GPR151: variants seen among roughly 807,000 people sequenced by gnomAD.
GPR151 encodes the protein G-protein coupled receptor PGR7.
In GPR151, 16 loss-of-function variants were observed where a neutral mutation model predicts 18.2. That is an observed-to-expected ratio of 0.88 (90% CI 0.60 to 1.34). The LOEUF (loss-of-function observed/expected upper bound fraction) is 1.34. GPR151 is among the 40% of genes most tolerant of loss of function. The pLI, the probability that GPR151 is intolerant of heterozygous loss-of-function variation, is 0.00. For missense variants in GPR151, 509 were observed against 504.3 expected, an observed-to-expected ratio of 1.01 and a Z score of -0.09; for synonymous variants, 202 against 191.2, an observed-to-expected ratio of 1.06 and a Z score of -0.47.
chr5:146,515,079 A>AC lies in GPR151; in HGVS notation c.1034dup (p.Leu346SerfsTer3). The AC allele has an allele frequency of 6.2e-7, 1 of 1,614,024 alleles. No homozygotes were observed. Among genetic ancestry groups the AC allele is most frequent in the Non-Finnish European group, 8.5e-7 (1 of 1,179,988 alleles). ...CTGGAGATGGAACCTTGTCAGGAAG[A>AC]CCCTCTGAGTTGCCAGCTGGTGTTT... On this transcript the variant is annotated frameshift_variant, in exon 1 of 1. Transcript: ENST00000311104. LOFTEE classifies it low-confidence loss of function (END_TRUNC).
At position 146,515,332 on chromosome 5, in the gene GPR151, A is replaced by ACT; in HGVS notation, c.781_782insAG (p.Leu261GlnfsTer9). On this transcript the variant is annotated frameshift_variant, in exon 1 of 1. Transcript: ENST00000311104. LOFTEE classifies it high-confidence loss of function. Reference sequence around the variant, plus strand: ...AGCTACCCATTCGGGGAGCCACAAGAGAGCAGAGATGATGGCAATGCTCAG... The same window carrying ACT: ...AGCTACCCATTCGGGGAGCCACAAGACTGAGCAGAGATGATGGCAATGCTCAG... 1 of 1,614,206 alleles carries ACT rather than the reference A, an allele frequency of 6.2e-7. No individual in the cohort carries two copies. Among genetic ancestry groups the ACT allele is most frequent in the South Asian group, 1.1e-5 (1 of 91,084 alleles).
In GPR151 at chr5:146,514,943, G is replaced by T. The variant is rs1160819302; in HGVS notation, c.1171C>A (p.His391Asn). 6.2e-7 allele frequency: 1 copy of T among 1,613,846 alleles called. No individual in the cohort carries two copies. Among genetic ancestry groups the T allele is most frequent in the Admixed American group, 1.7e-5 (1 of 60,018 alleles). The change falls in exon 1 of 1, where the codon CAT (histidine) becomes AAT (asparagine). Residue 391 changes from histidine to asparagine, a missense_variant. His to Asn is a moderately conservative substitution (Grantham distance 68). Transcript: ENST00000311104. ...ACAGAAGGGACTGTGTCCCTCTCAT[G>T]CCAAAACTGCTCTACGTCAGGAAGG... ...PILPDVEQFW[H>N]ERDTVPSVQD...
chr5:146,516,082 G>C lies in GPR151; in HGVS notation c.32C>G (p.Ser11Cys). 6.2e-7 allele frequency: 1 copy of C among 1,612,946 alleles called. No individual in the cohort carries two copies. Among genetic ancestry groups the C allele is most frequent in the South Asian group, 1.1e-5 (1 of 91,012 alleles). The change falls in exon 1 of 1, where the codon TCC becomes TGC. Residue 11 changes from serine (S) to cysteine (C), a missense_variant. Ser to Cys is a moderately radical substitution (Grantham distance 112). Coordinates refer to ENST00000311104, the MANE Select transcript of GPR151 (RefSeq NM_194251.3). MLAAAFADSN[S>C]SSMNVSFAHL... ...AGCAAAGGACACATTCATGCTGCTG[G>C]AGTTAGAGTCTGCAAAGGCAGCTGC...
In GPR151 at chr5:146,513,436, A is replaced by C. The variant is rs1442549752; in HGVS notation, c.*1418T>G. On this transcript the variant is annotated 3_prime_UTR_variant, in exon 1 of 1. Transcript: ENST00000311104. ...CCGGAAACCCATAGACAAAAAGCAA[A>C]ATCTTTTTTTTTCCATAACATATCC... The C allele has an allele frequency of 1.3e-5, 2 of 152,148 alleles. No homozygotes were observed. The highest frequency in any genetic ancestry group is 2.4e-5 in the African/African-American group (1 of 41,426). 9.4% of individuals were successfully genotyped at this position (152,148 alleles called of 1,614,324 possible).
rs760419500 is a variant in GPR151 at position 146,514,868 on chromosome 5, C to T, written c.1246G>A (p.Glu416Lys). The change falls in exon 1 of 1, where the codon GAA becomes AAA. Residue 416 changes from glutamate (E) to lysine (K), a missense_variant. Physicochemically the swap from Glu to Lys is moderately conservative, Grantham distance 56 (BLOSUM62 1). Coordinates refer to ENST00000311104, the MANE Select transcript of GPR151 (RefSeq NM_194251.3). ...PWEHEDQETG[E>K]GVK is the part of the protein sequence containing the mutation. The stretch of plus-strand genomic sequence containing the variant: ...GAAACTTAAATCTATTTAACACCTT[C>T]CCCTGTCTCTTGATCTTCATGTTCC... 1.1e-5 allele frequency: 18 copies of T among 1,586,800 alleles called. No homozygotes were observed. In the East Asian group the frequency reaches 2.2e-4, roughly 20 times the overall value.
In GPR151 at chr5:146,515,742, G is replaced by C; in HGVS notation, c.372C>G (p.Ala124=). 6.2e-7 allele frequency: 1 copy of C among 1,614,186 alleles called. No homozygotes were observed. Among genetic ancestry groups the C allele is most frequent in the Non-Finnish European group, 8.5e-7 (1 of 1,180,040 alleles). The change falls in exon 1 of 1, where the codon GCC becomes GCG. Residue 124 remains alanine, a synonymous_variant. Coordinates refer to ENST00000311104, the MANE Select transcript of GPR151 (RefSeq NM_194251.3). ...CCACCACAACGATTGTCAGGCTCTTGGCTGCCATGCATGTGTGGATAAACC... is the reference window on the plus strand; with the variant it reads ...CCACCACAACGATTGTCAGGCTCTTCGCTGCCATGCATGTGTGGATAAACC... ...SDWFIHTCMA[A]KSLTIVVVAK...
rs767575778 is a variant in GPR151 at position 146,516,165 on chromosome 5, C to T, written c.-52G>A. On this transcript the variant is annotated 5_prime_UTR_variant, in exon 1 of 1. Coordinates refer to ENST00000311104, the MANE Select transcript of GPR151 (RefSeq NM_194251.3). ...TAGATTCTTATTTAGGTTTGTCTTT[C>T]TGCCTGGGCTCTTTTGCATAGGAAA... 12 of 1,516,410 alleles carry T rather than the reference C, an allele frequency of 7.9e-6. No homozygotes were observed. Among genetic ancestry groups the T allele is most frequent in the Non-Finnish European group, 1.1e-5 (12 of 1,124,102 alleles). 93.9% of individuals were successfully genotyped at this position (1,516,410 alleles called of 1,614,324 possible).
chr5:146,514,938 C>T lies in GPR151; in HGVS notation c.1176G>A (p.Glu392=), dbSNP rs1768578300. 2 of 1,613,756 alleles carry T rather than the reference C, an allele frequency of 1.2e-6. No individual in the cohort carries two copies. The highest frequency in any genetic ancestry group is 1.3e-5 in the African/African-American group (1 of 75,052). The change falls in exon 1 of 1, where the codon GAG becomes GAA. Residue 392 remains glutamate (E), a synonymous_variant. Coordinates refer to ENST00000311104, the MANE Select transcript of GPR151 (RefSeq NM_194251.3). ...CCTGTACAGAAGGGACTGTGTCCCT[C>T]TCATGCCAAAACTGCTCTACGTCAG... ...ILPDVEQFWH[E]RDTVPSVQDN...
chr5:146,515,026 T>C lies in GPR151; in HGVS notation c.1088A>G (p.Glu363Gly). The change falls in exon 1 of 1, where the codon GAG becomes GGG. Residue 363 changes from glutamate (E) to glycine (G), a missense_variant. Transcript: ENST00000311104. ...GCCAGAGGAGGGAGAGCTGGGTTTC[T>C]CTTTTTCTGGTATGGATGCTGGGGA... ...PESPASIPEK[E>G]KPSSPSSGKG... 1 of 1,614,198 alleles carries C rather than the reference T, an allele frequency of 6.2e-7. No individual in the cohort carries two copies. Among genetic ancestry groups the C allele is most frequent in the South Asian group, 1.1e-5 (1 of 91,082 alleles).
Position 146,515,870 on chromosome 5 carries a change from G to T in GPR151, c.244C>A (p.Leu82Met). Residue 82 changes from leucine to methionine, a missense_variant, in exon 1 of 1, where the codon CTG becomes ATG. Leu to Met is a conservative substitution (Grantham distance 15). Coordinates refer to ENST00000311104, the MANE Select transcript of GPR151 (RefSeq NM_194251.3). ...AACAGCAGGAGGGAGAGATCAGCCA[G>T]GCTGAGATTCAGAATCAGGGAGTGG... ...MIHSLILNLS[L>M]ADLSLLLFSA... The T allele has an allele frequency of 6.2e-7, 1 of 1,614,174 alleles. No homozygotes were observed. Among genetic ancestry groups the T allele is most frequent in the South Asian group, 1.1e-5 (1 of 91,080 alleles).
Position 146,514,758 on chromosome 5 carries a change from GTAA to G in GPR151, c.*93_*95del. ...TGAAATATTTTTATAATTCCTAATG[GTAA>G]TAATTATATCAGTTTGTAAAGTCAG... is the stretch of plus-strand genomic sequence containing the variant. On this transcript the variant is annotated 3_prime_UTR_variant, in exon 1 of 1. Transcript: ENST00000311104. 4 of 767,894 alleles carry G rather than the reference GTAA, an allele frequency of 5.2e-6. No individual in the cohort carries two copies. The highest frequency in any genetic ancestry group is 4.2e-5 in the South Asian group (2 of 47,758). The allele number at this position is 767,894 out of a possible 1,614,324, so 47.6% of individuals were successfully genotyped here.
Position 146,515,104 on chromosome 5 carries a change from T to C in GPR151, c.1010A>G (p.Glu337Gly), listed in dbSNP as rs1236444339. The change falls in exon 1 of 1, where the codon GAA (glutamate) becomes GGA (glycine). Residue 337 changes from glutamate to glycine, a missense_variant. Glu to Gly is a moderately conservative substitution (Grantham distance 98). Coordinates refer to ENST00000311104, the MANE Select transcript of GPR151 (RefSeq NM_194251.3). Reference sequence around the variant, plus strand: ...ACCCTCTGAGTTGCCAGCTGGTGTTTCCTGAGACTCTGAGACAGTTGGAGG... The same window carrying C: ...ACCCTCTGAGTTGCCAGCTGGTGTTCCCTGAGACTCTGAGACAGTTGGAGG... Reference protein sequence around the residue: ...KKPPTVSESQETPAGNSEGLP... With the variant: ...KKPPTVSESQGTPAGNSEGLP... The C allele has an allele frequency of 6.2e-7, 1 of 1,614,190 alleles. No individual in the cohort carries two copies. Among genetic ancestry groups the C allele is most frequent in the African/African-American group, 1.3e-5 (1 of 75,062 alleles).
At position 146,514,755 on chromosome 5, in the gene GPR151, ATG is replaced by A; in HGVS notation, c.*97_*98del. ...TTGTGAAATATTTTTATAATTCCTA[ATG>A]GTAATAATTATATCAGTTTGTAAAG... is the stretch of plus-strand genomic sequence containing the variant. On this transcript the variant is annotated 3_prime_UTR_variant, in exon 1 of 1. Coordinates refer to ENST00000311104, the MANE Select transcript of GPR151 (RefSeq NM_194251.3). 2.9e-5 allele frequency: 22 copies of A among 752,840 alleles called. No individual in the cohort carries two copies. The highest frequency in any genetic ancestry group is 1.3e-4 in the South Asian group (6 of 46,820). 46.6% of individuals were successfully genotyped at this position (752,840 alleles called of 1,614,324 possible). A position where few individuals can be genotyped will look rare whatever the true frequency, so the allele number is the denominator to read the frequency against.
chr5:146,513,783 C>G lies in GPR151; in HGVS notation c.*1071G>C, dbSNP rs772452023. On this transcript the variant is annotated 3_prime_UTR_variant, in exon 1 of 1. Transcript: ENST00000311104. ...TCTGTCTTGGTTTGTTGAATTTTCTCTTTTTGATATTAATCTCTTTCTCAG... is the reference window on the plus strand; with the variant it reads ...TCTGTCTTGGTTTGTTGAATTTTCTGTTTTTGATATTAATCTCTTTCTCAG... 1.3e-5 allele frequency: 2 copies of G among 152,068 alleles called. No homozygotes were observed. Among genetic ancestry groups the G allele is most frequent in the Non-Finnish European group, 2.9e-5 (2 of 68,012 alleles). 9.4% of individuals were successfully genotyped at this position (152,068 alleles called of 1,614,324 possible).
In GPR151 at chr5:146,515,208, A is replaced by G; in HGVS notation, c.906T>C (p.Asn302=). The part of the protein sequence containing the change: ...QVLMFSISSA[N]PLIFLVMSEE... ...CCGACATCACAAGAAAAATGAGAGG[A>G]TTTGCTGAAGAGATGGAAAACATCA... The change falls in exon 1 of 1, where the codon AAT becomes AAC. Residue 302 remains asparagine (N), a synonymous_variant. Transcript: ENST00000311104. The G allele has an allele frequency of 6.2e-7, 1 of 1,614,106 alleles. No homozygotes were observed.
rs1224428414 is a variant in GPR151 at position 146,514,068 on chromosome 5, T to C, written c.*786A>G. 2 of 132,772 alleles carry C rather than the reference T, an allele frequency of 1.5e-5. No individual in the cohort carries two copies. Among genetic ancestry groups the C allele is most frequent in the Admixed American group, 7.2e-5 (1 of 13,808 alleles). The allele number at this position is 132,772 out of a possible 1,614,324, so 8.2% of individuals were successfully genotyped here. ...ACATTTTGGAAGTGAAGAGAGGACA[T>C]TTTTTTAAGTATTTTTTCCCCCATA... On this transcript the variant is annotated 3_prime_UTR_variant, in exon 1 of 1. Transcript: ENST00000311104.
In GPR151 at chr5:146,514,811, G is replaced by A. The variant is rs1768574476; in HGVS notation, c.*43C>T. On this transcript the variant is annotated 3_prime_UTR_variant, in exon 1 of 1. Coordinates refer to ENST00000311104, the MANE Select transcript of GPR151 (RefSeq NM_194251.3). ...GCAATATTGATAAGCAGCAGTACAAGTAAATACAATAATCACAGTTTGTTT... is the reference window on the plus strand; with the variant it reads ...GCAATATTGATAAGCAGCAGTACAAATAAATACAATAATCACAGTTTGTTT... 1.5e-6 allele frequency: 2 copies of A among 1,314,050 alleles called. No homozygotes were observed. The highest frequency in any genetic ancestry group is 2.3e-5 in the East Asian group (1 of 42,590). The allele number at this position is 1,314,050 out of a possible 1,614,324, so 81.4% of individuals were successfully genotyped here. A position where few individuals can be genotyped will look rare whatever the true frequency, so the allele number is the denominator to read the frequency against.
In GPR151 at chr5:146,514,739, ATTT is replaced by A; in HGVS notation, c.*112_*114del. On this transcript the variant is annotated 3_prime_UTR_variant, in exon 1 of 1. Transcript: ENST00000311104. The stretch of plus-strand genomic sequence containing the variant: ...ATTTGGAAAGTGTAGATTGTGAAAT[ATTT>A]TTATAATTCCTAATGGTAATAATTA... 1 of 681,930 alleles carries A rather than the reference ATTT, an allele frequency of 1.5e-6. No homozygotes were observed. The highest frequency in any genetic ancestry group is 2.5e-5 in the South Asian group (1 of 39,646). The allele number at this position is 681,930 out of a possible 1,614,324, so 42.2% of individuals were successfully genotyped here.
In GPR151 at chr5:146,514,621, T is replaced by A. The variant is rs555900463; in HGVS notation, c.*233A>T. The A allele has an allele frequency of 4.3e-6, 2 of 468,030 alleles. No individual in the cohort carries two copies. Among genetic ancestry groups the A allele is most frequent in the African/African-American group, 3.9e-5 (2 of 50,968 alleles). 29.0% of individuals were successfully genotyped at this position (468,030 alleles called of 1,614,324 possible). ...CTGTCTAATCACTTTGACAGCAACA[T>A]CTTTACACAACACTTAAATTGTTTG... On this transcript the variant is annotated 3_prime_UTR_variant, in exon 1 of 1. Coordinates refer to ENST00000311104, the MANE Select transcript of GPR151 (RefSeq NM_194251.3).
Sources: gnomAD v4.1 joint callset for allele counts on GRCh38, gnomAD v4.1.1 for gene constraint, MANE v1.5 for transcripts, NCBI Gene and HGNC (gene_info 2026-07-23, HGNC 2026-07-21) for gene names.